Variants in STAT3 observed in about 807,000 individuals in gnomAD.
STAT3 encodes DNA-binding protein APRF.
In STAT3, 7 loss-of-function variants were observed where a neutral mutation model predicts 114.3. That is an observed-to-expected ratio of 0.06 (90% CI 0.03 to 0.11). The LOEUF (loss-of-function observed/expected upper bound fraction) is 0.11, where lower values mean the gene tolerates loss of function less well. Ranked by LOEUF, STAT3 falls within the 10% of genes least tolerant of loss-of-function variation. STAT3 has a pLI of 1.00. For synonymous variants in STAT3, 331 were observed against 354.5 expected, an observed-to-expected ratio of 0.93 and a Z score of 0.74; for missense variants, 364 against 960.9, an observed-to-expected ratio of 0.38 and a Z score of 8.21.
intron 4 of STAT3, among the ~76,000 whole-genome samples, chr17:42,345,221 C>CG (rs1317899589): frequency 6.6e-6 from 1 of 150,912 alleles, no homozygotes; most frequent in Non-Finnish European, 1.5e-5. Flanking sequence ...GCCAAGATCG[C>CG]GCCATTGCAC....
intron 1 of STAT3, among the ~76,000 whole-genome samples, chr17:42,383,411 CA>C (rs2084912110): frequency 6.6e-6 from 1 of 151,586 alleles, no homozygotes; most frequent in South Asian, 2.1e-4. Context: ...CTATGTTGCC[CA>C]GGCTGGTCTT....
In STAT3 at chr17:42,367,088, G is replaced by C. The variant is rs573879843; in HGVS notation, c.-23-18549C>G. 3.3e-5 allele frequency among the ~76,000 whole-genome samples: 5 copies of C among 152,186 alleles called. No homozygotes were observed. In the East Asian group the frequency reaches 9.6e-4, roughly 29 times the overall value. On this transcript the variant is annotated intron_variant, in intron 1 of 23. Coordinates refer to ENST00000264657, the MANE Select transcript of STAT3 (RefSeq NM_139276.3). ...ACCGGGGAGGCAGAGGTTGCAGTGA[G>C]CTGAGATCGCGCCACTGCACTCCAG...
intron 23 of STAT3, chr17:42,316,102 C>T: frequency 7.5e-7 from 1 of 1,332,622 alleles, no homozygotes; most frequent in East Asian, 3.0e-5. Flanking sequence ...AGCCCCGAGA[C>T]ACACGTGGCC....
intron 21 of STAT3, among the ~76,000 whole-genome samples, chr17:42,320,462 G>A (rs2081424836): frequency 1.3e-5 from 2 of 152,214 alleles, no homozygotes; most frequent in Admixed American, 6.5e-5. Flanking sequence ...AGGCACAGTG[G>A]CTCACGCCTG....
At chr17:42,362,770 C>T (rs1237790694) in intron 1 of STAT3, among the ~76,000 whole-genome samples, 1 of 152,182 alleles carries the variant, frequency 6.6e-6, no homozygotes, top group East Asian at 1.9e-4. Flanking sequence ...AGTGTTTGTA[C>T]TCATTACTAG....
intron 1 of STAT3, among the ~76,000 whole-genome samples, chr17:42,372,576 G>C (rs1202093388): frequency 7.9e-5 from 12 of 152,184 alleles, no homozygotes. Context: ...TGGAGCACAG[G>C]GGGTTTCTAG....
intron 1 of STAT3, among the ~76,000 whole-genome samples, chr17:42,361,236 T>G (rs2083490926): frequency 6.6e-6 from 1 of 152,142 alleles, no homozygotes; most frequent in South Asian, 2.1e-4. Flanking sequence ...ATCCCAGCAC[T>G]CTGGGGGGCC....
At chr17:42,323,234 A>C in intron 19 of STAT3, 26 bp downstream of exon 19, 1 of 1,614,146 alleles carries the variant, frequency 6.2e-7, no homozygotes. Context: ...ACTTGGTTAC[A>C]TCTGTGCACA....
At position 42,337,603 on chromosome 17, in the gene STAT3, A is replaced by G; in HGVS notation, c.646-17T>C. The G allele has an allele frequency of 6.2e-7, 1 of 1,614,198 alleles. No homozygotes were observed. The highest frequency in any genetic ancestry group is 1.1e-5 in the South Asian group (1 of 91,084). The stretch of plus-strand genomic sequence containing the variant: ...CACGATGCTCTGGTTGGAAACCAAA[A>G]CAAAGTCAGAAAACATTTCCTCAGA... On this transcript the variant is annotated splice_polypyrimidine_tract_variant and intron_variant, in intron 7 of 23. Coordinates refer to ENST00000264657, the MANE Select transcript of STAT3 (RefSeq NM_139276.3). This position sits in a 1 kb window ranked among gnomAD's most constrained non-coding sequence, Gnocchi z 4.0.
chr17:42,340,045 T>C (rs1261466082), intron 4 of STAT3, among the ~76,000 whole-genome samples: 1 of 151,862 alleles, frequency 6.6e-6, no homozygotes, highest in East Asian at 1.9e-4. Context: ...AAAAAATAAA[T>C]AGCATATGAA....
intron 1 of STAT3, chr17:42,386,807 A>G (rs539340539): frequency 6.6e-6 from 1 of 152,354 alleles, no homozygotes; most frequent in South Asian, 2.1e-4. Context: ...AGAGACTAAA[A>G]TCAAGGCTCC....
intron 1 of STAT3, among the ~76,000 whole-genome samples, chr17:42,353,419 CTT>C (rs1459578503): frequency 3.3e-5 from 5 of 150,150 alleles, no homozygotes; most frequent in African/African-American, 1.2e-4. Flanking sequence ...TAAAAGAAAA[CTT>C]AACATTACAT....
chr17:42,346,941 C>A (rs957385602), intron 2 of STAT3, among the ~76,000 whole-genome samples: 1 of 152,098 alleles, frequency 6.6e-6, no homozygotes, highest in Non-Finnish European at 1.5e-5. Flanking sequence ...GTAATCCCAG[C>A]ACTTTGGGAG....
chr17:42,338,629 C>T (rs2082318147), intron 6 of STAT3, 102 bp downstream of exon 6: 22 of 1,183,970 alleles, frequency 1.9e-5, no homozygotes, highest in Middle Eastern at 1.9e-4. Flanking sequence ...CCTTGCGCCC[C>T]GCCCGCCTTA....
rs2081169765 is a variant in STAT3 at position 42,314,131 on chromosome 17, G to GT, written c.*1613dup. Reference sequence around the variant, plus strand: ...GCCCTCTAGCTGTTCTGCCTCACCTGTGGGGCCCCAGCAGGGAGGAGTCAC... The same window carrying GT: ...GCCCTCTAGCTGTTCTGCCTCACCTGTTGGGGCCCCAGCAGGGAGGAGTCAC... On this transcript the variant is annotated 3_prime_UTR_variant, in exon 24 of 24. Transcript: ENST00000264657. 4.3e-6 allele frequency: 1 copy of GT among 232,202 alleles called. No individual in the cohort carries two copies. The highest frequency in any genetic ancestry group is 8.5e-6 in the Non-Finnish European group (1 of 117,318). 14.4% of individuals were successfully genotyped at this position (232,202 alleles called of 1,614,324 possible).
chr17:42,343,455 CTTTTTTTTT>C (rs34846688), intron 4 of STAT3, among the ~76,000 whole-genome samples: 4 of 99,172 alleles, frequency 4.0e-5, no homozygotes, highest in Non-Finnish European at 5.8e-5. Context: ...TCAGATCTTT[CTTTTTTTTT>C]TTTTTTTTTT....
At chr17:42,378,119 G>T (rs2084570531) in intron 1 of STAT3, among the ~76,000 whole-genome samples, 1 of 151,392 alleles carries the variant, frequency 6.6e-6, no homozygotes, top group African/African-American at 2.4e-5. Context: ...CTGAGTAGCT[G>T]GGATTACAGG....
chr17:42,354,794 G>A (rs2083149278), intron 1 of STAT3, among the ~76,000 whole-genome samples: 1 of 91,520 alleles, frequency 1.1e-5, no homozygotes, highest in Non-Finnish European at 2.0e-5. Flanking sequence ...GCAACAGAGT[G>A]AGACTCTGTC....
At chr17:42,359,187 G>A (rs1400690707) in intron 1 of STAT3, among the ~76,000 whole-genome samples, 1 of 151,800 alleles carries the variant, frequency 6.6e-6, no homozygotes, top group Non-Finnish European at 1.5e-5. Flanking sequence ...TGCCCACCTC[G>A]GCCTCCCAAA....
Sources: allele counts gnomAD v4.1 joint callset (sites outside exome capture counted in the v4.1 genomes callset), GRCh38; gene constraint gnomAD v4.1.1; non-coding constraint Gnocchi (gnomAD v3.1); transcripts MANE v1.5; gene names NCBI Gene and HGNC (gene_info 2026-07-23, HGNC 2026-07-21).